The following LDB2 variants were observed in gnomAD, a reference collection of about 807,000 sequenced individuals.
LDB2 encodes LIM domain-binding protein 2.
LDB2 carries 12 observed loss-of-function variants against 44.3 expected under a neutral mutation model. That is an observed-to-expected ratio of 0.27 (90% CI 0.17 to 0.44). The LOEUF (loss-of-function observed/expected upper bound fraction) is 0.44. LDB2 is among the 20% of genes least tolerant of loss of function. The probability of loss-of-function intolerance (pLI) is 1.00; values close to 1 mark genes in which losing one functional copy is unlikely to be tolerated. For missense variants in LDB2, 344 were observed against 473.5 expected (o/e 0.73, Z 2.54); for synonymous variants, 164 against 174.8 (o/e 0.94, Z 0.49).
In LDB2 at chr4:16,813,990, G is replaced by A. The variant is rs184429172; in HGVS notation, c.133-54730C>T. 6.0e-4 allele frequency among the ~76,000 whole-genome samples: 91 copies of A among 151,784 alleles called. 1 individual carries two copies. The East Asian group carries it at 0.017, about 29-fold the overall frequency. On this transcript the variant is annotated intron_variant, in intron 1 of 7. Coordinates refer to ENST00000304523, the MANE Select transcript of LDB2 (RefSeq NM_001290.5). ...AGGTTCAGGCCATTCTCCTGCCTCA[G>A]CCTCCCGAGTAGCTGGGACTACAGG... is the stretch of plus-strand genomic sequence containing the variant.
At chr4:16,839,197 A>G (rs1214272558) in intron 1 of LDB2, among the ~76,000 whole-genome samples, 3 of 90,588 alleles carry the variant, frequency 3.3e-5, no homozygotes, top group Non-Finnish European at 7.5e-5. Flanking sequence ...AGACTGAGTT[A>G]TTTATAAAGA....
chr4:16,691,326 G>A (rs566174326), intron 2 of LDB2, among the ~76,000 whole-genome samples: 1 of 152,210 alleles, frequency 6.6e-6, no homozygotes, highest in East Asian at 1.9e-4. Context: ...AACTGTACGA[G>A]CCACTGAAGT....
At chr4:16,757,472 G>T (rs537504026) in intron 2 of LDB2, among the ~76,000 whole-genome samples, 83 of 152,322 alleles carry the variant, frequency 5.4e-4, no homozygotes, top group African/African-American at 2.0e-3. Context: ...TGATGCTGGG[G>T]TGGGATGGAC....
intron 1 of LDB2, among the ~76,000 whole-genome samples, chr4:16,787,186 C>T (rs370895140): frequency 2.0e-5 from 3 of 152,082 alleles, no homozygotes; most frequent in Non-Finnish European, 4.4e-5. Flanking sequence ...TCAATAAACA[C>T]GTATTGAACA....
intron 1 of LDB2, among the ~76,000 whole-genome samples, chr4:16,810,579 G>T (rs995119745): frequency 1.9e-4 from 6 of 31,142 alleles, no homozygotes; most frequent in African/African-American, 3.5e-4. Context: ...TTTCAGAGAG[G>T]TTCATGGAAG....
At chr4:16,779,404 T>G (rs1772667974) in intron 1 of LDB2, among the ~76,000 whole-genome samples, 1 of 152,230 alleles carries the variant, frequency 6.6e-6, no homozygotes, top group Non-Finnish European at 1.5e-5. Context: ...TGGGTCTGCC[T>G]GCAGATCTTT....
intron 1 of LDB2, among the ~76,000 whole-genome samples, chr4:16,786,720 C>A (rs1431008811): frequency 6.6e-6 from 1 of 152,158 alleles, no homozygotes; most frequent in African/African-American, 2.4e-5. Context: ...TTTTGCCAAC[C>A]TCTCAGTGTC....
chr4:16,712,914 A>G (rs1756239024), intron 2 of LDB2, among the ~76,000 whole-genome samples: 1 of 152,242 alleles, frequency 6.6e-6, no homozygotes, highest in Non-Finnish European at 1.5e-5. Context: ...TGATGTTTAT[A>G]GCAATTGTTT....
In LDB2 at chr4:16,587,625, A is replaced by G. The variant is rs371169612; in HGVS notation, c.531+1085T>C. 2.8e-4 allele frequency among the ~76,000 whole-genome samples: 42 copies of G among 152,280 alleles called. 1 individual carries two copies. In the South Asian group the frequency reaches 8.7e-3, roughly 32 times the overall value. ...GGGTGCAACAAAAAGCATAAGGCTA[A>G]TGGGAAGGGCAGAGCTTGTGTTAAC... On this transcript the variant is annotated intron_variant, in intron 4 of 7. Transcript: ENST00000304523.
At chr4:16,672,808 T>G (rs984761770) in intron 2 of LDB2, among the ~76,000 whole-genome samples, 4 of 135,394 alleles carry the variant, frequency 3.0e-5, no homozygotes, top group African/African-American at 1.2e-4. Flanking sequence ...GAAGAACTGC[T>G]TGCGTGCCTG....
At chr4:16,739,089 G>A (rs1281364749) in intron 2 of LDB2, among the ~76,000 whole-genome samples, 4 of 152,102 alleles carry the variant, frequency 2.6e-5, no homozygotes, top group African/African-American at 9.7e-5. Context: ...AAACTTTCAA[G>A]TGGGCTTCTC....
intron 5 of LDB2, among the ~76,000 whole-genome samples, chr4:16,576,865 A>G (rs574923552): frequency 2.1e-4 from 32 of 152,338 alleles, no homozygotes; most frequent in African/African-American, 7.7e-4. Flanking sequence ...TCAACAGCAC[A>G]TTAAAAAGAT....
chr4:16,696,812 A>G (rs1274986006), intron 2 of LDB2, among the ~76,000 whole-genome samples: 1 of 152,212 alleles, frequency 6.6e-6, no homozygotes, highest in Non-Finnish European at 1.5e-5. Context: ...CAGAATCTGC[A>G]TTAGACTCCC....
chr4:16,758,482 G>C lies in LDB2; in HGVS notation c.235+676C>G, dbSNP rs575580255. Reference sequence around the variant, plus strand: ...ATTGCTTTTGTGCTGATGCATCTATGCCTCCTGGTCTGATAGCACAACTAG... The same window carrying C: ...ATTGCTTTTGTGCTGATGCATCTATCCCTCCTGGTCTGATAGCACAACTAG... On this transcript the variant is annotated intron_variant, in intron 2 of 7. Coordinates refer to ENST00000304523, the MANE Select transcript of LDB2 (RefSeq NM_001290.5). 2.6e-5 allele frequency among the ~76,000 whole-genome samples: 4 copies of C among 152,256 alleles called. No homozygotes were observed. The South Asian group carries it at 8.3e-4, about 32-fold the overall frequency.
intron 2 of LDB2, among the ~76,000 whole-genome samples, chr4:16,596,457 T>C (rs533032896): frequency 6.6e-6 from 1 of 152,296 alleles, no homozygotes; most frequent in East Asian, 1.9e-4. Flanking sequence ...TTTGAATGCT[T>C]CAAGGTCACG....
At chr4:16,745,377 AG>A (rs1347955073) in intron 2 of LDB2, among the ~76,000 whole-genome samples, 3 of 152,210 alleles carry the variant, frequency 2.0e-5, no homozygotes, top group African/African-American at 4.8e-5. Flanking sequence ...AACAGTGAAA[AG>A]GAAGTCAAGC....
intron 2 of LDB2, among the ~76,000 whole-genome samples, chr4:16,710,847 T>C (rs575213553): frequency 3.3e-5 from 5 of 152,226 alleles, no homozygotes; most frequent in Non-Finnish European, 7.4e-5. Context: ...CAATAATACA[T>C]TGAGTCAACA....
chr4:16,647,139 G>A (rs760602443), intron 2 of LDB2, among the ~76,000 whole-genome samples: 2 of 152,162 alleles, frequency 1.3e-5, no homozygotes, highest in Non-Finnish European at 2.9e-5. Flanking sequence ...AAGGAATGAA[G>A]TACTGATATA....
chr4:16,535,284 G>T (rs1263892430), intron 5 of LDB2, among the ~76,000 whole-genome samples: 1 of 152,150 alleles, frequency 6.6e-6, no homozygotes, highest in African/African-American at 2.4e-5. Context: ...GAAGACATGC[G>T]TAATGGTCCT....
Sources: gnomAD v4.1 joint callset for allele counts (sites outside exome capture counted in the v4.1 genomes callset) on GRCh38, gnomAD v4.1.1 for gene constraint, MANE v1.5 for transcripts, NCBI Gene and HGNC (gene_info 2026-07-23, HGNC 2026-07-21) for gene names.